Variants in STXBP6 observed in about 807,000 individuals in gnomAD.
STXBP6 encodes the protein syntaxin-binding protein 6.
Under a neutral mutation model 26.9 loss-of-function variants are expected in STXBP6, and 21 were observed. The ratio of observed to expected loss-of-function variants is 0.78; its 90% CI spans 0.55 to 1.12. The LOEUF (loss-of-function observed/expected upper bound fraction) is 1.12. Ranked by LOEUF, STXBP6 falls within the 50% of genes most tolerant of loss-of-function variation. The pLI, the probability that STXBP6 is intolerant of heterozygous loss-of-function variation, is 0.00. For missense variants in STXBP6, 232 were observed against 257.9 expected, an observed-to-expected ratio of 0.90 and a Z score of 0.69; for synonymous variants, 97 against 92.6, an observed-to-expected ratio of 1.05 and a Z score of -0.27.
chr14:24,863,296 T>A (rs2069608974), intron 2 of STXBP6, among the ~76,000 whole-genome samples: 3 of 152,092 alleles, frequency 2.0e-5, no homozygotes, highest in Admixed American at 2.0e-4. Flanking sequence ...AATTTTTTTT[T>A]AAGTTTTTAT....
chr14:24,949,271 G>A (rs1222821896), intron 2 of STXBP6, among the ~76,000 whole-genome samples: 1 of 152,158 alleles, frequency 6.6e-6, no homozygotes, highest in Non-Finnish European at 1.5e-5. Flanking sequence ...CAGAAGGGGA[G>A]CCCTTTCTCT....
At chr14:24,942,953 A>G (rs1362965367) in intron 2 of STXBP6, among the ~76,000 whole-genome samples, 1 of 152,246 alleles carries the variant, frequency 6.6e-6, no homozygotes, top group African/African-American at 2.4e-5. Flanking sequence ...AGAATCAGTT[A>G]AGAAAAGTGA....
At chr14:25,014,655 AGGT>A (rs1411969831) in intron 1 of STXBP6, among the ~76,000 whole-genome samples, 1 of 152,236 alleles carries the variant, frequency 6.6e-6, no homozygotes, top group Non-Finnish European at 1.5e-5. Context: ...AGATTTGCAA[AGGT>A]GAACTGTGAC....
Position 25,019,098 on chromosome 14 carries a change from T to C in STXBP6, c.-33+30780A>G, listed in dbSNP as rs545428813. Among the ~76,000 whole-genome samples the C allele has an allele frequency of 2.0e-5, 3 of 152,352 alleles. No homozygotes were observed. The East Asian group carries it at 5.8e-4, about 29-fold the overall frequency. On this transcript the variant is annotated intron_variant, in intron 1 of 5. Coordinates refer to ENST00000323944, the MANE Select transcript of STXBP6 (RefSeq NM_001394410.1). ...GGGAGAATAAGAAGCCACAGAAGGC[T>C]TATGTCCAGAATGAACTAATCATTT...
At chr14:24,833,010 A>G (rs573736935) in intron 4 of STXBP6, among the ~76,000 whole-genome samples, 1 of 152,352 alleles carries the variant, frequency 6.6e-6, no homozygotes, top group South Asian at 2.1e-4. Flanking sequence ...ACTTAAAATT[A>G]CACTGTGTGA....
At chr14:24,926,423 T>C (rs2072173380) in intron 2 of STXBP6, among the ~76,000 whole-genome samples, 1 of 152,102 alleles carries the variant, frequency 6.6e-6, no homozygotes, top group South Asian at 2.1e-4. Context: ...TGGCACGGGA[T>C]TGGTCTTAGA....
chr14:24,963,246 C>T (rs967559898), intron 2 of STXBP6, among the ~76,000 whole-genome samples: 4 of 152,276 alleles, frequency 2.6e-5, no homozygotes, highest in East Asian at 1.9e-4. Context: ...GTATAACCCA[C>T]GTAATTACTG....
At chr14:24,871,570 A>G (rs896464002) in intron 2 of STXBP6, among the ~76,000 whole-genome samples, 2 of 152,194 alleles carry the variant, frequency 1.3e-5, no homozygotes, top group Non-Finnish European at 2.9e-5. Context: ...AGGTTACAAG[A>G]ACACTCACAA....
At chr14:24,812,789 G>T in intron 5 of STXBP6, 57 bp from the exon 6 acceptor site, 1 of 1,557,856 alleles carries the variant, frequency 6.4e-7, no homozygotes, top group Non-Finnish European at 8.9e-7. Context: ...TTAGCAGAGA[G>T]ATTTCACTGT....
intron 2 of STXBP6, among the ~76,000 whole-genome samples, chr14:24,860,729 A>G (rs1170766755): frequency 6.6e-6 from 1 of 152,026 alleles, no homozygotes; most frequent in East Asian, 1.9e-4. Context: ...TACACATTGA[A>G]CTTGAATTAC....
intron 2 of STXBP6, among the ~76,000 whole-genome samples, chr14:24,916,542 C>G (rs1566473381): frequency 6.6e-6 from 1 of 152,094 alleles, no homozygotes; most frequent in South Asian, 2.1e-4. Flanking sequence ...ATTGCAGCTA[C>G]TGGATGGTAT....
intron 2 of STXBP6, among the ~76,000 whole-genome samples, chr14:24,905,569 T>C (rs1475975586): frequency 6.6e-6 from 1 of 152,128 alleles, no homozygotes; most frequent in African/African-American, 2.4e-5. Flanking sequence ...AAAAATAACA[T>C]GCAATCTGTG....
intron 4 of STXBP6, among the ~76,000 whole-genome samples, chr14:24,822,498 TAC>T (rs1208751888): frequency 1.3e-5 from 2 of 152,360 alleles, no homozygotes; most frequent in South Asian, 4.1e-4. Context: ...ATTCATGAAG[TAC>T]ATACTACGTG....
At chr14:24,980,925 G>A (rs1405750495) in intron 1 of STXBP6, among the ~76,000 whole-genome samples, 1 of 152,292 alleles carries the variant, frequency 6.6e-6, no homozygotes, top group East Asian at 1.9e-4. Flanking sequence ...GGGTGCCCAG[G>A]TCCTGCTCAC....
chr14:25,036,304 G>A (rs1318497091), intron 1 of STXBP6, among the ~76,000 whole-genome samples: 1 of 151,876 alleles, frequency 6.6e-6, no homozygotes, highest in Non-Finnish European at 1.5e-5. Flanking sequence ...CAGTGTCAGT[G>A]GAAGAGGGCT....
chr14:24,820,542 A>C (rs1259738608), intron 4 of STXBP6, among the ~76,000 whole-genome samples: 1 of 152,202 alleles, frequency 6.6e-6, no homozygotes, highest in Admixed American at 6.5e-5. Flanking sequence ...AGCAGAGGAA[A>C]TGCAGTTCTA....
At chr14:24,981,145 T>G (rs943008749) in intron 1 of STXBP6, among the ~76,000 whole-genome samples, 1 of 152,268 alleles carries the variant, frequency 6.6e-6, no homozygotes, top group Non-Finnish European at 1.5e-5. Flanking sequence ...TCATTGAAGT[T>G]TACATAGCAC....
intron 2 of STXBP6, among the ~76,000 whole-genome samples, chr14:24,903,578 C>CTA: frequency 6.6e-6 from 1 of 152,036 alleles, no homozygotes; most frequent in Non-Finnish European, 1.5e-5. Context: ...ACTGAAACTC[C>CTA]ACATTTTAAA....
intron 1 of STXBP6, among the ~76,000 whole-genome samples, chr14:25,040,350 T>G (rs185808719): frequency 1.3e-5 from 2 of 152,252 alleles, no homozygotes; most frequent in African/African-American, 4.8e-5. Flanking sequence ...TCTCTGCAAC[T>G]CAGGAAAAGA....
Sources: allele counts gnomAD v4.1 joint callset (sites outside exome capture counted in the v4.1 genomes callset), GRCh38; gene constraint gnomAD v4.1.1; transcripts MANE v1.5; gene names NCBI Gene and HGNC (gene_info 2026-07-23, HGNC 2026-07-21).